Variants in METTL15 observed in about 807,000 individuals in gnomAD.
METTL15 encodes the protein methyltransferase 15, mitochondrial 12S rRNA N4-cytidine.
Under a neutral mutation model 38.3 loss-of-function variants are expected in METTL15, and 34 were observed. The ratio of observed to expected loss-of-function variants is 0.89; its 90% confidence interval spans 0.68 to 1.18. The LOEUF (loss-of-function observed/expected upper bound fraction) is 1.18, where lower values mean the gene tolerates loss of function less well. METTL15 is among the 50% of genes most tolerant of loss of function. The pLI is 0.00. For missense variants in METTL15, 438 were observed against 498.4 expected (o/e 0.88, Z 1.15); for synonymous variants, 162 against 170.9 (o/e 0.95, Z 0.41).
chr11:28,163,433 G>A (rs879326140), intron 3 of METTL15: 18 of 397,668 alleles, frequency 4.5e-5, no homozygotes, highest in African/African-American at 1.0e-4. Flanking sequence ...ATTTGAAATC[G>A]GTTCCAAATT....
intron 5 of METTL15, among the ~76,000 whole-genome samples, chr11:28,374,878 G>T (rs1328649770): frequency 1.3e-5 from 2 of 151,016 alleles, no homozygotes; most frequent in East Asian, 2.0e-4. Flanking sequence ...AGCATGAAGG[G>T]TTGTTGAATT....
intron 6 of METTL15, among the ~76,000 whole-genome samples, chr11:28,325,978 A>G (rs1849622265): frequency 6.6e-6 from 1 of 152,238 alleles, no homozygotes; most frequent in Non-Finnish European, 1.5e-5. Flanking sequence ...GATGGACTAT[A>G]ACACACAAAA....
chr11:28,251,276 G>T (rs1050414104), intron 4 of METTL15, among the ~76,000 whole-genome samples: 3 of 151,888 alleles, frequency 2.0e-5, no homozygotes, highest in African/African-American at 7.3e-5. Context: ...GCCTCCTTTT[G>T]CTAAACAAGA....
intron 3 of METTL15, among the ~76,000 whole-genome samples, chr11:28,192,538 CAATG>C (rs1294986377): frequency 6.6e-6 from 1 of 151,558 alleles, no homozygotes; most frequent in Non-Finnish European, 1.5e-5. Flanking sequence ...TGATCCCATA[CAATG>C]AATTGGGAAA....
At chr11:28,200,051 TAATTGCATAGTA>T (rs1852052738) in intron 3 of METTL15, among the ~76,000 whole-genome samples, 1 of 152,154 alleles carries the variant, frequency 6.6e-6, no homozygotes, top group African/African-American at 2.4e-5. Flanking sequence ...TGGTGCATAG[TAATTGCATAGTA>T]AATTGTATCT....
In METTL15 at chr11:28,218,573, T is replaced by C. The variant is rs189353792; in HGVS notation, c.407+7375T>C. 9.0e-4 allele frequency among the ~76,000 whole-genome samples: 137 copies of C among 152,290 alleles called. 1 individual carries two copies. The highest frequency in any genetic ancestry group is 3.3e-3 in the African/African-American group (136 of 41,560). On this transcript the variant is annotated intron_variant, in intron 4 of 6. Coordinates refer to ENST00000407364, the MANE Select transcript of METTL15 (RefSeq NM_001113528.2). ...ATTTCCTTCTCCTGCCTGATTGCCC[T>C]GGCCAGAACTTCCAACACTGTGTTG...
intron 6 of METTL15, among the ~76,000 whole-genome samples, chr11:28,434,929 A>C (rs1850967965): frequency 6.6e-6 from 1 of 152,244 alleles, no homozygotes; most frequent in Non-Finnish European, 1.5e-5. Flanking sequence ...GAGAGAAGGC[A>C]GAAATGCATG....
chr11:28,319,792 TA>T (rs1173301869), intron 6 of METTL15, among the ~76,000 whole-genome samples: 1 of 152,212 alleles, frequency 6.6e-6, no homozygotes, highest in Non-Finnish European at 1.5e-5. Flanking sequence ...GTTATACAGT[TA>T]TCTTAAGAGC....
chr11:28,457,836 A>G (rs1851181952), intron 6 of METTL15, among the ~76,000 whole-genome samples: 1 of 152,244 alleles, frequency 6.6e-6, no homozygotes. Flanking sequence ...TAATCTGATG[A>G]CAATGAAGTG....
chr11:28,303,747 A>G (rs1856988572), intron 6 of METTL15, among the ~76,000 whole-genome samples: 1 of 152,194 alleles, frequency 6.6e-6, no homozygotes, highest in Admixed American at 6.5e-5. Context: ...TCAAGGGGAA[A>G]AAATATATAA....
At chr11:28,376,164 C>G (rs568483365) in intron 5 of METTL15, among the ~76,000 whole-genome samples, 43 of 151,496 alleles carry the variant, frequency 2.8e-4, no homozygotes, top group Non-Finnish European at 5.0e-4. Flanking sequence ...GTGGAGAGTT[C>G]TGTAGATGTC....
chr11:28,239,819 T>C (rs947404179), intron 4 of METTL15, among the ~76,000 whole-genome samples: 1 of 152,204 alleles, frequency 6.6e-6, no homozygotes, highest in African/African-American at 2.4e-5. Flanking sequence ...AAGTCAACTG[T>C]AGTATTTTAT....
intron 3 of METTL15, chr11:28,123,783 T>TA: frequency 9.4e-7 from 1 of 1,067,326 alleles, no homozygotes; most frequent in Non-Finnish European, 1.3e-6. Flanking sequence ...GTGTCATCTG[T>TA]AATAGGTTTC....
At chr11:28,117,277 A>C (rs200112432) in intron 3 of METTL15, among the ~76,000 whole-genome samples, 1 of 140,528 alleles carries the variant, frequency 7.1e-6, no homozygotes, top group East Asian at 2.1e-4. Context: ...ATATATATAT[A>C]TATATATATA....
intron 6 of METTL15, among the ~76,000 whole-genome samples, chr11:28,304,415 G>A (rs1590294528): frequency 6.6e-6 from 1 of 152,054 alleles, no homozygotes; most frequent in African/African-American, 2.4e-5. Flanking sequence ...CAAAATAAAA[G>A]ATAATGATAA....
intron 5 of METTL15, among the ~76,000 whole-genome samples, chr11:28,369,332 A>G (rs892553185): frequency 1.5e-4 from 23 of 152,074 alleles, no homozygotes; most frequent in African/African-American, 5.6e-4. Flanking sequence ...CCAGTATTGC[A>G]TTACAGAACT....
intron 3 of METTL15, chr11:28,122,199 T>TA: frequency 8.0e-7 from 1 of 1,254,152 alleles, no homozygotes; most frequent in South Asian, 1.4e-5. Context: ...AACATTTTTT[T>TA]AAAATGAGAA....
chr11:28,449,233 G>C (rs1296838772), intron 6 of METTL15, among the ~76,000 whole-genome samples: 1 of 152,106 alleles, frequency 6.6e-6, no homozygotes, highest in South Asian at 2.1e-4. Flanking sequence ...GATTTGTAAT[G>C]ACACTTTACT....
intron 6 of METTL15, among the ~76,000 whole-genome samples, chr11:28,525,765 G>A (rs552678724): frequency 2.0e-5 from 3 of 152,392 alleles, no homozygotes; most frequent in Non-Finnish European, 4.4e-5. Context: ...GGCCGCAGGT[G>A]GAGCTGCCTG....
Sources: gnomAD v4.1 joint callset for allele counts (sites outside exome capture counted in the v4.1 genomes callset) on GRCh38, gnomAD v4.1.1 for gene constraint, MANE v1.5 for transcripts, NCBI Gene and HGNC (gene_info 2026-07-23, HGNC 2026-07-21) for gene names.